Variants in KLHL29 observed in about 807,000 individuals in gnomAD.
The protein encoded by KLHL29 is kelch-like protein 29.
KLHL29 carries 21 observed loss-of-function variants against 80.4 expected under a neutral mutation model. The ratio of observed to expected loss-of-function variants is 0.26; its 90% CI spans 0.19 to 0.38. KLHL29 has a LOEUF of 0.38. KLHL29 is among the 10% of genes least tolerant of loss of function. The probability of loss-of-function intolerance (pLI) is 1.00; values close to 1 mark genes in which losing one functional copy is unlikely to be tolerated. For synonymous variants in KLHL29, 511 were observed against 526.8 expected (o/e 0.97, Z 0.41); for missense variants, 867 against 1,223.9 (o/e 0.71, Z 4.35).
intron 2 of KLHL29, among the ~76,000 whole-genome samples, chr2:23,541,951 C>T (rs1416547086): frequency 6.6e-6 from 1 of 152,124 alleles, no homozygotes; most frequent in Non-Finnish European, 1.5e-5. Context: ...GCTGCTCAAA[C>T]TGTCTAGAAA....
At chr2:23,576,304 CAA>C (rs3086869) in intron 3 of KLHL29, among the ~76,000 whole-genome samples, 2,824 of 131,402 alleles carry the variant, frequency 0.021, 65 homozygotes, top group African/African-American at 0.081. Flanking sequence ...GACTCTATCT[CAA>C]AAAAAAAAAA....
In KLHL29 at chr2:23,385,790, G is replaced by C. The variant is rs1316257001; in HGVS notation, c.-154+10G>C. 1 of 153,448 alleles carries C rather than the reference G, an allele frequency of 6.5e-6. No individual in the cohort carries two copies. The highest frequency in any genetic ancestry group is 1.5e-5 in the Non-Finnish European group (1 of 67,976). The allele number at this position is 153,448 out of a possible 1,614,324, so 9.5% of individuals were successfully genotyped here. ...GAGCCGCGCGCCGGAGGTAAGAGCC[G>C]GGCCGGGCTGGAGCGCCTCGGATGC... On this transcript the variant is annotated intron_variant, in intron 1 of 13. Coordinates refer to ENST00000486442, the MANE Select transcript of KLHL29 (RefSeq NM_052920.2).
chr2:23,410,879 C>T (rs1027755666), intron 1 of KLHL29, among the ~76,000 whole-genome samples: 1 of 152,144 alleles, frequency 6.6e-6, no homozygotes, highest in African/African-American at 2.4e-5. Context: ...AGGCCCCATC[C>T]TTCAGAGTGA....
chr2:23,595,937 C>T (rs1668383673), intron 3 of KLHL29, among the ~76,000 whole-genome samples: 1 of 152,238 alleles, frequency 6.6e-6, no homozygotes, highest in South Asian at 2.1e-4. Flanking sequence ...GCATCCCCAT[C>T]CCATCCCCAG....
rs568344160 is a variant in KLHL29, at chr2:23,696,761, C to T, written c.2105+248C>T. 2.9e-5 allele frequency: 12 copies of T among 407,290 alleles called. No individual in the cohort carries two copies. The highest frequency in any genetic ancestry group is 1.0e-4 in the East Asian group (2 of 19,442). 25.2% of individuals were successfully genotyped at this position (407,290 alleles called of 1,614,324 possible). A position where few individuals can be genotyped will look rare whatever the true frequency, so the allele number is the denominator to read the frequency against. On this transcript the variant is annotated intron_variant, in intron 11 of 13. Coordinates refer to ENST00000486442, the MANE Select transcript of KLHL29 (RefSeq NM_052920.2). The surrounding 1 kb of genome is among the most constrained non-coding windows in gnomAD (Gnocchi z 5.5). ...GATGGGAGATGGGGCGCTTCTGTCC[C>T]GACAACCCATTTAGGTGTCAGACAA...
intron 5 of KLHL29, among the ~76,000 whole-genome samples, chr2:23,655,617 T>C (rs1048237681): frequency 3.3e-5 from 5 of 152,152 alleles, no homozygotes; most frequent in Non-Finnish European, 7.3e-5. Context: ...ATACCGATGA[T>C]CCATGGGCCT....
At chr2:23,537,311 CT>C (rs1217654978) in intron 2 of KLHL29, among the ~76,000 whole-genome samples, 1 of 152,098 alleles carries the variant, frequency 6.6e-6, no homozygotes, top group Non-Finnish European at 1.5e-5. Flanking sequence ...CCCCTTTTGC[CT>C]TCTCCATCAT....
At chr2:23,687,806 T>A (rs1671338826) in intron 6 of KLHL29, among the ~76,000 whole-genome samples, 1 of 151,890 alleles carries the variant, frequency 6.6e-6, no homozygotes, top group African/African-American at 2.4e-5. Context: ...CAGGGCCGGG[T>A]ATGAGGGTGG....
intron 1 of KLHL29, among the ~76,000 whole-genome samples, chr2:23,432,388 G>T (rs1284716834): frequency 2.0e-5 from 3 of 152,132 alleles, no homozygotes; most frequent in Non-Finnish European, 4.4e-5. Context: ...TATTTCCCTG[G>T]TTATTTTTTA....
chr2:23,490,593 C>T (rs1448211314), intron 2 of KLHL29, among the ~76,000 whole-genome samples: 3 of 152,064 alleles, frequency 2.0e-5, no homozygotes, highest in Non-Finnish European at 4.4e-5. Flanking sequence ...GGCTCCAATA[C>T]CATGGGGGAA....
At chr2:23,663,750 A>C (rs1670482990) in intron 5 of KLHL29, among the ~76,000 whole-genome samples, 3 of 152,258 alleles carry the variant, frequency 2.0e-5, no homozygotes, top group Admixed American at 2.0e-4. Context: ...CACAAGCAGC[A>C]GAAATTTATG....
At chr2:23,622,837 A>T (rs1392096158) in intron 3 of KLHL29, among the ~76,000 whole-genome samples, 2 of 152,200 alleles carry the variant, frequency 1.3e-5, no homozygotes, top group Non-Finnish European at 2.9e-5. Flanking sequence ...TCATAATTCT[A>T]TGGTGTAGGT....
intron 3 of KLHL29, among the ~76,000 whole-genome samples, chr2:23,620,762 T>C (rs1669157215): frequency 6.6e-6 from 1 of 151,094 alleles, no homozygotes. Context: ...CATCCAGAGG[T>C]GGGAGAGGGA....
intron 3 of KLHL29, among the ~76,000 whole-genome samples, chr2:23,589,825 C>G (rs138254582): frequency 1.8e-3 from 276 of 152,316 alleles, no homozygotes; most frequent in African/African-American, 6.2e-3. Flanking sequence ...ATTTGGGACT[C>G]AGTGACCTTT....
Position 23,559,455 on chromosome 2 carries a change from C to T in KLHL29, c.-45-2697C>T, listed in dbSNP as rs531476750. On this transcript the variant is annotated intron_variant, in intron 2 of 13. Transcript: ENST00000486442. ...GGGGGCGGGCAGGCAGGCAGGCAGG[C>T]GAACTGAAATAAGGAGACACTGGGA... 2.2e-3 allele frequency among the ~76,000 whole-genome samples: 339 copies of T among 151,838 alleles called. 1 individual carries two copies. The highest frequency in any genetic ancestry group is 8.0e-3 in the African/African-American group (333 of 41,406).
At chr2:23,572,866 A>G (rs1281005171) in intron 3 of KLHL29, among the ~76,000 whole-genome samples, 1 of 152,084 alleles carries the variant, frequency 6.6e-6, no homozygotes, top group East Asian at 1.9e-4. Context: ...GCGCCTGGCT[A>G]ATTTTTTATA....
chr2:23,502,702 T>A (rs1456993340), intron 2 of KLHL29, among the ~76,000 whole-genome samples: 4 of 152,212 alleles, frequency 2.6e-5, no homozygotes, highest in Non-Finnish European at 4.4e-5. Flanking sequence ...ACTTTGCTGA[T>A]CTCTTTAGAT....
intron 2 of KLHL29, among the ~76,000 whole-genome samples, chr2:23,537,251 C>T (rs1666699646): frequency 6.6e-6 from 1 of 152,166 alleles, no homozygotes; most frequent in Non-Finnish European, 1.5e-5. Flanking sequence ...CTTCTGTGCC[C>T]CTGGCTACCC....
At chr2:23,412,125 G>GGGC (rs1666877928) in intron 1 of KLHL29, among the ~76,000 whole-genome samples, 1 of 36,942 alleles carries the variant, frequency 2.7e-5, no homozygotes, top group African/African-American at 1.1e-4. Flanking sequence ...TGCGTGAAGG[G>GGGC]GGGGGGGGGG....
Sources: allele counts gnomAD v4.1 joint callset (sites outside exome capture counted in the v4.1 genomes callset), GRCh38; gene constraint gnomAD v4.1.1; non-coding constraint Gnocchi (gnomAD v3.1); transcripts MANE v1.5; gene names NCBI Gene and HGNC (gene_info 2026-07-23, HGNC 2026-07-21).